Variants in FAM118B observed in about 807,000 individuals in gnomAD.
FAM118B encodes SIR2 antiphage like 1, also known as protein FAM118B.
In FAM118B, 24 loss-of-function variants were observed where a neutral mutation model predicts 38.5. That is an observed-to-expected ratio of 0.62 (90% confidence interval 0.45 to 0.88). The LOEUF (loss-of-function observed/expected upper bound fraction) is 0.88, where lower values mean the gene tolerates loss of function less well. FAM118B is among the 40% of genes least tolerant of loss of function. FAM118B has a pLI of 0.00. For missense variants in FAM118B, 334 were observed against 420.0 expected (o/e 0.80, Z 1.79); for synonymous variants, 138 against 156.3 (o/e 0.88, Z 0.87).
intron 1 of FAM118B, chr11:126,214,488 C>CTG (rs1949942051): frequency 2.9e-5 from 1 of 34,856 alleles, no homozygotes; most frequent in Non-Finnish European, 5.9e-5. Flanking sequence ...TCTTTTGTTT[C>CTG]TGTTTTTTTT....
Position 126,255,858 on chromosome 11 carries a change from C to G in FAM118B, c.697-709C>G, listed in dbSNP as rs190001343. On this transcript the variant is annotated intron_variant, in intron 6 of 8. Coordinates refer to ENST00000533050, the MANE Select transcript of FAM118B (RefSeq NM_024556.4). The surrounding 1 kb of genome is among the most constrained non-coding windows in gnomAD (Gnocchi z 4.6). ...ATGCCAGCTACTTGGGAGTCTGAGG[C>G]AGGAGAATCGCTTGAACCTGGGAGG... Among the ~76,000 whole-genome samples the G allele has an allele frequency of 5.9e-4, 90 of 152,106 alleles. No homozygotes were observed. The highest frequency in any genetic ancestry group is 2.1e-3 in the African/African-American group (88 of 41,486).
intron 1 of FAM118B, among the ~76,000 whole-genome samples, chr11:126,226,641 T>A (rs1040023903): frequency 6.6e-6 from 1 of 152,224 alleles, no homozygotes; most frequent in Non-Finnish European, 1.5e-5. Flanking sequence ...TGCAACTACC[T>A]CTTTTGGCCT....
chr11:126,234,576 G>C (rs1451778774), intron 2 of FAM118B, among the ~76,000 whole-genome samples: 1 of 152,162 alleles, frequency 6.6e-6, no homozygotes, highest in Non-Finnish European at 1.5e-5. Flanking sequence ...AGAGTAAATG[G>C]GTAATTGGGG....
In FAM118B at chr11:126,244,004, T is replaced by C. The variant is rs1421200108; in HGVS notation, c.339+2960T>C. ...TCTCAGTAGGTGCAGAAAAAACATGTTAGCAAAATGCAACACTCTTTCATG... is the reference window on the plus strand; with the variant it reads ...TCTCAGTAGGTGCAGAAAAAACATGCTAGCAAAATGCAACACTCTTTCATG... On this transcript the variant is annotated intron_variant, in intron 4 of 8. Transcript: ENST00000533050. The surrounding 1 kb of genome is among the most constrained non-coding windows in gnomAD (Gnocchi z 4.5). 6.6e-6 allele frequency among the ~76,000 whole-genome samples: 1 copy of C among 151,964 alleles called. No homozygotes were observed. The highest frequency in any genetic ancestry group is 1.5e-5 in the Non-Finnish European group (1 of 68,004).
At chr11:126,214,276 C>T (rs940737416) in intron 1 of FAM118B, 129 of 151,518 alleles carry the variant, frequency 8.5e-4, no homozygotes, top group African/African-American at 3.0e-3. Flanking sequence ...TGGCGTGAAC[C>T]CGGGAGGCGG....
Position 126,253,233 on chromosome 11 carries a change from A to C in FAM118B, c.568-1072A>C, listed in dbSNP as rs890513925. On this transcript the variant is annotated intron_variant, in intron 5 of 8. Coordinates refer to ENST00000533050, the MANE Select transcript of FAM118B (RefSeq NM_024556.4). This position sits in a 1 kb window ranked among gnomAD's most constrained non-coding sequence, Gnocchi z 5.1. ...GCCTCAAGATTTGCATTGTATTTTC[A>C]GCCCACATTAGGGGCAGTGTTGCAG... 6.6e-6 allele frequency among the ~76,000 whole-genome samples: 1 copy of C among 152,174 alleles called. No individual in the cohort carries two copies. Among genetic ancestry groups the C allele is most frequent in the African/African-American group, 2.4e-5 (1 of 41,426 alleles).
At chr11:126,235,772 G>A (rs967036692) in intron 3 of FAM118B, among the ~76,000 whole-genome samples, 1 of 151,642 alleles carries the variant, frequency 6.6e-6, no homozygotes, top group Non-Finnish European at 1.5e-5. Context: ...ACCCGCCTCG[G>A]CCTCCCAAAG....
At chr11:126,234,056 T>A (rs569204350) in intron 2 of FAM118B, among the ~76,000 whole-genome samples, 2 of 152,238 alleles carry the variant, frequency 1.3e-5, no homozygotes, top group South Asian at 4.1e-4. Flanking sequence ...TACTCTAGCC[T>A]GGACAACAGA....
At chr11:126,235,682 C>T (rs920284989) in intron 3 of FAM118B, among the ~76,000 whole-genome samples, 8 of 152,124 alleles carry the variant, frequency 5.3e-5, no homozygotes, top group South Asian at 2.1e-4. Context: ...CCATGCCCAG[C>T]TAATTTTTTT....
rs371710378 is a variant in FAM118B, at chr11:126,250,715, C to T, written c.549C>T (p.Asp183=). ...AGGGGAAACAGCTTGAATCCCTTGA[C>T]CTTACTGATGAGAAAAAGGTAAAAA... The part of the protein sequence containing the change: ...ADQGKQLESL[D]LTDEKKVLEW... Residue 183 remains aspartate, a synonymous_variant, in exon 5 of 9, where the codon GAC becomes GAT. Transcript: ENST00000533050. The surrounding 1 kb of genome is among the most constrained non-coding windows in gnomAD (Gnocchi z 5.1). 13 of 1,612,848 alleles carry T rather than the reference C, an allele frequency of 8.1e-6. No individual in the cohort carries two copies. The African/African-American group carries it at 1.6e-4, about 20-fold the overall frequency.
chr11:126,250,292 C>T lies in FAM118B; in HGVS notation c.340-214C>T, dbSNP rs1235520692. Among the ~76,000 whole-genome samples, 3 of 152,000 alleles carry T rather than the reference C, an allele frequency of 2.0e-5. No individual in the cohort carries two copies. The highest frequency in any genetic ancestry group is 6.6e-5 in the Admixed American group (1 of 15,254). ...ATTTTTAGTAGAGACGGGGTTTCAC[C>T]GTGTTAGCCAGGATGGTCTCGATCT... On this transcript the variant is annotated intron_variant, in intron 4 of 8. Coordinates refer to ENST00000533050, the MANE Select transcript of FAM118B (RefSeq NM_024556.4). The surrounding 1 kb of genome is among the most constrained non-coding windows in gnomAD (Gnocchi z 5.1).
chr11:126,247,503 A>C (rs1950432891), intron 4 of FAM118B, among the ~76,000 whole-genome samples: 1 of 152,082 alleles, frequency 6.6e-6, no homozygotes, highest in South Asian at 2.1e-4. Context: ...CACACCCATG[A>C]TTATGTGATT....
chr11:126,217,784 A>T (rs1169203654), intron 1 of FAM118B, among the ~76,000 whole-genome samples: 1 of 152,196 alleles, frequency 6.6e-6, no homozygotes, highest in Non-Finnish European at 1.5e-5. Flanking sequence ...TATTTGAATG[A>T]CCTGGTTTTG....
At chr11:126,237,902 ATT>A (rs1308371351) in intron 3 of FAM118B, among the ~76,000 whole-genome samples, 5 of 150,330 alleles carry the variant, frequency 3.3e-5, no homozygotes, top group African/African-American at 9.7e-5. Context: ...TGAGGATATC[ATT>A]GTTTTCTTTT....
In FAM118B at chr11:126,256,525, T is replaced by C. The variant is rs373435813; in HGVS notation, c.697-42T>C. ...CTTCTTGTTTCAGACTTGCCTTGAG[T>C]GTGTCTTCACAATGTCAATATGTTG... On this transcript the variant is annotated intron_variant, in intron 6 of 8. Transcript: ENST00000533050. The surrounding 1 kb of genome is among the most constrained non-coding windows in gnomAD (Gnocchi z 6.6). The C allele has an allele frequency of 1.0e-5, 16 of 1,587,936 alleles. No individual in the cohort carries two copies. The highest frequency in any genetic ancestry group is 1.7e-4 in the Middle Eastern group (1 of 5,960).
chr11:126,238,470 G>A (rs188877479), intron 3 of FAM118B, among the ~76,000 whole-genome samples: 159 of 152,276 alleles, frequency 1.0e-3, no homozygotes, highest in African/African-American at 3.5e-3. Flanking sequence ...AAGAGGAATC[G>A]TCCTCATTTC....
intron 3 of FAM118B, among the ~76,000 whole-genome samples, chr11:126,236,850 T>C (rs567833694): frequency 4.5e-4 from 68 of 151,764 alleles, no homozygotes; most frequent in African/African-American, 1.6e-3. Context: ...TGTTGCGTTA[T>C]TTTTGATTTA....
chr11:126,231,943 T>C (rs906518622), intron 2 of FAM118B, among the ~76,000 whole-genome samples: 2 of 152,234 alleles, frequency 1.3e-5, no homozygotes, highest in East Asian at 3.8e-4. Context: ...ATTGCATCAA[T>C]GGAGTACCTA....
Position 126,256,588 on chromosome 11 carries a change from G to T in FAM118B, c.718G>T (p.Glu240Ter). 1 of 1,613,808 alleles carries T rather than the reference G, an allele frequency of 6.2e-7. No homozygotes were observed. Among genetic ancestry groups the T allele is most frequent in the Non-Finnish European group, 8.5e-7 (1 of 1,179,934 alleles). ...EVMREIQKLY[E>*]NKSFLFLGCG... is the part of the protein sequence containing the mutation. ...CCAGAGAGAAATTCAGAAACTCTAC[G>T]AAAACAAGTCATTTCTTTTCCTGGG... The change falls in exon 7 of 9, where the codon GAA becomes TAA. Residue 240 changes from glutamate (E) to a stop codon, truncating the protein, a stop_gained. Transcript: ENST00000533050. LOFTEE classifies it high-confidence loss of function. The surrounding 1 kb of genome is among the most constrained non-coding windows in gnomAD (Gnocchi z 6.6).
Sources: gnomAD v4.1 joint callset for allele counts (sites outside exome capture counted in the v4.1 genomes callset) on GRCh38, gnomAD v4.1.1 for gene constraint, Gnocchi (gnomAD v3.1) non-coding constraint, MANE v1.5 for transcripts, NCBI Gene and HGNC (gene_info 2026-07-23, HGNC 2026-07-21) for gene names.